The following MUSK variants were observed in gnomAD, a reference collection of about 807,000 sequenced individuals.
MUSK encodes the protein muscle, skeletal receptor tyrosine-protein kinase.
Under a neutral mutation model 88.7 loss-of-function variants are expected in MUSK, and 55 were observed. The observed-to-expected ratio is 0.62, with a 90% CI of 0.50 to 0.78. MUSK has a LOEUF of 0.78. Ranked by LOEUF, MUSK falls within the 30% of genes least tolerant of loss-of-function variation. The pLI is 0.00. For synonymous variants in MUSK, 387 were observed against 391.9 expected (o/e 0.99, Z 0.15); for missense variants, 1,015 against 1,074.3 (o/e 0.94, Z 0.77).
At chr9:110,740,047 G>A (rs2077077342) in intron 6 of MUSK, among the ~76,000 whole-genome samples, 1 of 152,194 alleles carries the variant, frequency 6.6e-6, no homozygotes. Flanking sequence ...TTTAATGCAA[G>A]CATCACAACA....
intron 7 of MUSK, among the ~76,000 whole-genome samples, chr9:110,755,965 CATATATATATATACAT>C (rs1564268862): frequency 4.9e-5 from 4 of 81,620 alleles, no homozygotes; most frequent in Non-Finnish European, 9.8e-5. Flanking sequence ...TATATATATA[CATATATATATATACAT>C]ATATATATAT....
intron 5 of MUSK, among the ~76,000 whole-genome samples, chr9:110,708,909 C>T (rs28497672): frequency 0.052 from 7,861 of 152,130 alleles, 497 homozygotes; most frequent in African/African-American, 0.14. Flanking sequence ...GAAAAGTTAT[C>T]GTGACCTGAA....
chr9:110,788,694 G>C (rs1231951539), intron 14 of MUSK, among the ~76,000 whole-genome samples: 1 of 114,018 alleles, frequency 8.8e-6, no homozygotes, highest in East Asian at 2.1e-4. Flanking sequence ...TATATGAGGA[G>C]ACAGATAATA....
rs1394359501 is a variant in MUSK at position 110,767,934 on chromosome 9, G to A, written c.1035G>A (p.Glu345=). ...TCAACACCTCCTATGCGGACCCTGAGGAGGCCCAAGAGCTACTGGTCCACA... is the reference window on the plus strand; with the variant it reads ...TCAACACCTCCTATGCGGACCCTGAAGAGGCCCAAGAGCTACTGGTCCACA... ...VFLNTSYADP[E]EAQELLVHTA... The change falls in exon 9 of 15, where the codon GAG becomes GAA. Residue 345 remains glutamate (E), a synonymous_variant. Coordinates refer to ENST00000374448, the MANE Select transcript of MUSK (RefSeq NM_005592.4). The A allele has an allele frequency of 6.2e-7, 1 of 1,613,940 alleles. No homozygotes were observed. Among genetic ancestry groups the A allele is most frequent in the Non-Finnish European group, 8.5e-7 (1 of 1,179,884 alleles).
intron 6 of MUSK, among the ~76,000 whole-genome samples, chr9:110,744,408 T>C (rs1206731607): frequency 6.6e-6 from 1 of 152,192 alleles, no homozygotes; most frequent in East Asian, 1.9e-4. Context: ...TATCCATAGC[T>C]GGGGGTGGAT....
At chr9:110,733,245 C>T (rs1002677932) in intron 5 of MUSK, among the ~76,000 whole-genome samples, 3 of 152,114 alleles carry the variant, frequency 2.0e-5, no homozygotes, top group African/African-American at 7.2e-5. Context: ...AATTTGAAGT[C>T]AGAAGACTTG....
At chr9:110,771,005 T>G (rs1187027968) in intron 9 of MUSK, among the ~76,000 whole-genome samples, 1 of 151,986 alleles carries the variant, frequency 6.6e-6, no homozygotes, top group Non-Finnish European at 1.5e-5. Context: ...TTTGAGGTAG[T>G]TAGTTGATAG....
intron 10 of MUSK, 112 bp downstream of exon 10, chr9:110,776,075 T>C (rs2077667417): frequency 1.6e-6 from 2 of 1,228,150 alleles, no homozygotes; most frequent in Non-Finnish European, 2.3e-6. Flanking sequence ...TAATTTTTTT[T>C]TTTTGAGTTC....
At chr9:110,689,502 T>A (rs1372928481) in intron 3 of MUSK, among the ~76,000 whole-genome samples, 1 of 94,780 alleles carries the variant, frequency 1.1e-5, no homozygotes, top group Admixed American at 1.4e-4. Context: ...AAAAAATACA[T>A]ATTTATATAT....
At chr9:110,783,983 T>G (rs2077808654) in intron 11 of MUSK, among the ~76,000 whole-genome samples, 1 of 152,116 alleles carries the variant, frequency 6.6e-6, no homozygotes, top group African/African-American at 2.4e-5. Context: ...CTATTATTAA[T>G]TGCACTTTGG....
chr9:110,724,736 A>C (rs571004827), intron 5 of MUSK, among the ~76,000 whole-genome samples: 1 of 152,100 alleles, frequency 6.6e-6, no homozygotes, highest in South Asian at 2.1e-4. Context: ...GTAGCAAAAA[A>C]TTATATCTTC....
At chr9:110,768,796 C>G (rs1231836696) in intron 9 of MUSK, among the ~76,000 whole-genome samples, 1 of 152,136 alleles carries the variant, frequency 6.6e-6, no homozygotes, top group Non-Finnish European at 1.5e-5. Context: ...TTTTAAAGTA[C>G]ATTCCATCCA....
intron 7 of MUSK, among the ~76,000 whole-genome samples, chr9:110,751,865 G>A (rs559086844): frequency 3.9e-5 from 6 of 152,246 alleles, no homozygotes; most frequent in East Asian, 3.9e-4. Context: ...AGTGCTGCAC[G>A]ATGTTCGGAG....
In MUSK at chr9:110,731,687, T is replaced by C. The variant is rs539758611; in HGVS notation, c.629-2564T>C. On this transcript the variant is annotated intron_variant, in intron 5 of 14. Transcript: ENST00000374448. ...AGTCTCATATTCATGAAGCTACCTA[T>C]AATGTCAGCAGTACTCCTGTACCTG... Among the ~76,000 whole-genome samples the C allele has an allele frequency of 2.0e-5, 3 of 152,152 alleles. No homozygotes were observed. The South Asian group carries it at 6.2e-4, about 32-fold the overall frequency.
At chr9:110,688,330 C>A (rs1470668785) in intron 3 of MUSK, among the ~76,000 whole-genome samples, 1 of 152,108 alleles carries the variant, frequency 6.6e-6, no homozygotes, top group Non-Finnish European at 1.5e-5. Flanking sequence ...ATTCCTTGAC[C>A]TGCAGAAATC....
intron 9 of MUSK, among the ~76,000 whole-genome samples, chr9:110,772,580 T>C (rs1308080819): frequency 6.6e-6 from 1 of 152,002 alleles, no homozygotes; most frequent in African/African-American, 2.4e-5. Context: ...ATAATAAAAA[T>C]TGGCATTTAT....
rs1455350620 is a variant in MUSK at position 110,689,908 on chromosome 9, T to C, written c.358+2640T>C. ...TAAATATAAATTATATAAATATACA[T>C]AAAAATACATATTTAAATATAATAT... On this transcript the variant is annotated intron_variant, in intron 3 of 14. Transcript: ENST00000374448. Among the ~76,000 whole-genome samples the C allele has an allele frequency of 9.0e-4, 80 of 88,608 alleles. 3 individuals are homozygous for C. In the East Asian group the frequency reaches 0.024, roughly 27 times the overall value. The allele number at this position is 88,608 out of a possible 152,430, so 58.1% of individuals were successfully genotyped here.
intron 11 of MUSK, among the ~76,000 whole-genome samples, 195 bp downstream of exon 11, chr9:110,776,850 G>A (rs1055626301): frequency 1.5e-4 from 23 of 152,140 alleles, no homozygotes; most frequent in Non-Finnish European, 3.1e-4. Context: ...TAATTAGACC[G>A]TAGAGAGTAC....
chr9:110,781,750 C>T (rs1476632678), intron 11 of MUSK, among the ~76,000 whole-genome samples: 2 of 152,186 alleles, frequency 1.3e-5, no homozygotes, highest in East Asian at 3.9e-4. Context: ...TGTCTTCTCC[C>T]TGTGTCCTCA....
Sources: gnomAD v4.1 joint callset for allele counts (sites outside exome capture counted in the v4.1 genomes callset) on GRCh38, gnomAD v4.1.1 for gene constraint, MANE v1.5 for transcripts, NCBI Gene and HGNC (gene_info 2026-07-23, HGNC 2026-07-21) for gene names.